The following OXSR1 variants were observed in gnomAD, a reference collection of about 807,000 sequenced individuals.
OXSR1 encodes serine/threonine-protein kinase OSR1.
Under a neutral mutation model 79.8 loss-of-function variants are expected in OXSR1, and 24 were observed. That is an observed-to-expected ratio of 0.30 (90% CI 0.22 to 0.42). OXSR1 has a LOEUF of 0.42. Among genes scored for constraint, OXSR1 ranks in the 10% least tolerant of loss-of-function variants. The pLI is 1.00. For missense variants in OXSR1, 430 were observed against 618.4 expected, an observed-to-expected ratio of 0.70 and a Z score of 3.23; for synonymous variants, 226 against 209.2, an observed-to-expected ratio of 1.08 and a Z score of -0.69.
Position 38,165,746 on chromosome 3 carries a change from G to A in OXSR1, c.-131G>A. ...CCCGCGCCCCGGCGCCGTCCGACCC[G>A]TGGCTGTTCCGAGACGATTGGTGGG... On this transcript the variant is annotated 5_prime_UTR_variant, in exon 1 of 18. The change creates a new upstream start codon in the 5' untranslated region. Coordinates refer to ENST00000311806, the MANE Select transcript of OXSR1 (RefSeq NM_005109.3). 1.2e-6 allele frequency: 1 copy of A among 803,826 alleles called. No homozygotes were observed. The allele number at this position is 803,826 out of a possible 1,614,324, so 49.8% of individuals were successfully genotyped here.
Position 38,254,190 on chromosome 3 carries a change from G to A in OXSR1, c.*1299G>A, listed in dbSNP as rs1257236584. ...AAAAAGATACACAAAGATGGGCTGTGGGTCCCTGGAAAGGGGGAGAGTTGC... is the reference window on the plus strand; with the variant it reads ...AAAAAGATACACAAAGATGGGCTGTAGGTCCCTGGAAAGGGGGAGAGTTGC... On this transcript the variant is annotated 3_prime_UTR_variant, in exon 18 of 18. Coordinates refer to ENST00000311806, the MANE Select transcript of OXSR1 (RefSeq NM_005109.3). 5.0e-6 allele frequency: 2 copies of A among 398,698 alleles called. No homozygotes were observed. The highest frequency in any genetic ancestry group is 3.6e-5 in the East Asian group (1 of 28,084). 24.7% of individuals were successfully genotyped at this position (398,698 alleles called of 1,614,324 possible).
rs370777595 is a variant in OXSR1 at position 38,224,064 on chromosome 3, A to G, written c.702+151A>G. On this transcript the variant is annotated intron_variant, in intron 7 of 17. Transcript: ENST00000311806. ...TTAACCATTTTGAATATATAGTTCA[A>G]TGGTATTAAATGCGTTCATCACGTT... 38 of 534,324 alleles carry G rather than the reference A, an allele frequency of 7.1e-5. No homozygotes were observed. The South Asian group carries it at 7.6e-4, about 11-fold the overall frequency. 33.1% of individuals were successfully genotyped at this position (534,324 alleles called of 1,614,324 possible). A position where few individuals can be genotyped will look rare whatever the true frequency, so the allele number is the denominator to read the frequency against.
chr3:38,201,948 G>C (rs1295727485), intron 4 of OXSR1, among the ~76,000 whole-genome samples: 3 of 152,218 alleles, frequency 2.0e-5, no homozygotes, highest in Admixed American at 2.0e-4. Flanking sequence ...GCTCCAAACA[G>C]GCAACTTGTA....
chr3:38,220,120 GT>G (rs568801384), intron 5 of OXSR1, among the ~76,000 whole-genome samples: 19 of 147,732 alleles, frequency 1.3e-4, no homozygotes, highest in South Asian at 4.3e-4. Flanking sequence ...ATTATTGTGT[GT>G]TTTTTTTTTA....
At chr3:38,209,423 T>C (rs1465459601) in intron 4 of OXSR1, among the ~76,000 whole-genome samples, 1 of 151,962 alleles carries the variant, frequency 6.6e-6, no homozygotes, top group East Asian at 1.9e-4. Flanking sequence ...TCCTACACTT[T>C]GGCATTGGGA....
intron 1 of OXSR1, among the ~76,000 whole-genome samples, chr3:38,178,618 ATATTTTT>A (rs1452908064): frequency 6.3e-4 from 55 of 86,726 alleles, no homozygotes; most frequent in African/African-American, 2.7e-3. Context: ...ATATATATAT[ATATTTTT>A]TTTTTTTTTT....
chr3:38,206,322 T>G (rs185338070), intron 4 of OXSR1, among the ~76,000 whole-genome samples: 1 of 152,290 alleles, frequency 6.6e-6, no homozygotes, highest in Admixed American at 6.5e-5. Flanking sequence ...TGACATTATG[T>G]CAAGGTAATG....
In OXSR1 at chr3:38,236,907, T is replaced by C; in HGVS notation, c.1020T>C (p.Asp340=). 6.2e-7 allele frequency: 1 copy of C among 1,612,650 alleles called. No individual in the cohort carries two copies. The highest frequency in any genetic ancestry group is 1.1e-5 in the South Asian group (1 of 90,954). The change falls in exon 11 of 18, where the codon GAT becomes GAC. Residue 340 remains aspartate, a synonymous_variant. Transcript: ENST00000311806. ...KTEDGGWEWS[D]DEFDEESEEG... is the part of the protein sequence containing the mutation. ...AGGATGGAGGCTGGGAGTGGAGTGA[T>C]GATGAATTTGATGAAGAAAGTGAGG... is the stretch of plus-strand genomic sequence containing the variant.
intron 2 of OXSR1, among the ~76,000 whole-genome samples, chr3:38,186,794 C>T (rs981430689): frequency 2.0e-5 from 3 of 152,098 alleles, no homozygotes; most frequent in Admixed American, 6.5e-5. Flanking sequence ...TTCATATGTA[C>T]ATTTGTGTTT....
intron 4 of OXSR1, among the ~76,000 whole-genome samples, chr3:38,209,773 G>A (rs1432550614): frequency 1.3e-5 from 2 of 151,852 alleles, no homozygotes; most frequent in Non-Finnish European, 2.9e-5. Flanking sequence ...ACAGGCGCCT[G>A]CCACTACGCC....
chr3:38,196,057 A>G lies in OXSR1; in HGVS notation c.293-2665A>G, dbSNP rs572493531. 1.5e-4 allele frequency among the ~76,000 whole-genome samples: 23 copies of G among 152,314 alleles called. 1 individual carries two copies. The highest frequency in any genetic ancestry group is 5.5e-4 in the African/African-American group (23 of 41,582). On this transcript the variant is annotated intron_variant, in intron 3 of 17. Coordinates refer to ENST00000311806, the MANE Select transcript of OXSR1 (RefSeq NM_005109.3). ...CAGTTCTCTTGAATGACTGTCTTAT[A>G]GGGCCTGGGAATATGCATTTTTACT... is the stretch of plus-strand genomic sequence containing the variant.
At chr3:38,250,195 T>C (rs2125856018) in intron 15 of OXSR1, 177 bp downstream of exon 15, 1 of 574,848 alleles carries the variant, frequency 1.7e-6, no homozygotes, top group South Asian at 2.1e-5. Flanking sequence ...TAAACACATT[T>C]AGAAAACCTT....
chr3:38,247,869 A>AT (rs1162383747), intron 14 of OXSR1, 137 bp downstream of exon 14: 9 of 571,904 alleles, frequency 1.6e-5, no homozygotes, highest in Non-Finnish European at 2.2e-5. Context: ...GTGGTGTATT[A>AT]TTTTTCCCCA....
chr3:38,176,660 G>A (rs545485097), intron 1 of OXSR1, among the ~76,000 whole-genome samples: 100 of 152,316 alleles, frequency 6.6e-4, no homozygotes, highest in South Asian at 4.3e-3. Context: ...GGAAACATTA[G>A]CATCTTGTCA....
rs1213000624 is a variant in OXSR1 at position 38,184,903 on chromosome 3, C to CTTTTTTTTTTTTTTTTTT, written c.183+1819_183+1836dup. 1.3e-4 allele frequency among the ~76,000 whole-genome samples: 3 copies of CTTTTTTTTTTTTTTTTTT among 22,888 alleles called. 1 individual carries two copies. Among genetic ancestry groups the CTTTTTTTTTTTTTTTTTT allele is most frequent in the Admixed American group, 3.1e-4 (1 of 3,192 alleles). 15.0% of individuals were successfully genotyped at this position (22,888 alleles called of 152,430 possible). A position where few individuals can be genotyped will look rare whatever the true frequency, so the allele number is the denominator to read the frequency against. On this transcript the variant is annotated intron_variant, in intron 2 of 17. Transcript: ENST00000311806. ...TAGTTCAAAAGTAGAAAGAACATTT[C>CTTTTTTTTTTTTTTTTTT]TTTTTTTTTTTTTTTTTTTTTTTTT...
chr3:38,164,916 A>C (rs571358401), upstream of OXSR1, among the ~76,000 whole-genome samples: 465 of 152,288 alleles, frequency 3.1e-3, no homozygotes, highest in Middle Eastern at 0.027. Context: ...CAGTGGCCCA[A>C]GGCCTTTTAT....
At chr3:38,224,758 C>CT in intron 8 of OXSR1, 54 bp downstream of exon 8, 4 of 1,236,820 alleles carry the variant, frequency 3.2e-6, no homozygotes, top group Non-Finnish European at 4.5e-6. Flanking sequence ...TGTGAGAAGT[C>CT]TAAGAATCAC....
At chr3:38,226,903 A>G (rs949865902) in intron 8 of OXSR1, among the ~76,000 whole-genome samples, 4 of 151,980 alleles carry the variant, frequency 2.6e-5, no homozygotes, top group Non-Finnish European at 4.4e-5. Flanking sequence ...TAGTTTAGTT[A>G]ATAGTATTGT....
intron 4 of OXSR1, among the ~76,000 whole-genome samples, chr3:38,201,446 C>T (rs537780255): frequency 6.6e-6 from 1 of 151,998 alleles, no homozygotes; most frequent in African/African-American, 2.4e-5. Flanking sequence ...CATGGTGACT[C>T]ACGCCTGTAA....
Sources: allele counts gnomAD v4.1 joint callset (sites outside exome capture counted in the v4.1 genomes callset), GRCh38; gene constraint gnomAD v4.1.1; transcripts MANE v1.5; gene names NCBI Gene and HGNC (gene_info 2026-07-23, HGNC 2026-07-21).